PTPN2: variants seen among roughly 807,000 people sequenced by gnomAD.
The protein encoded by PTPN2 is tyrosine-protein phosphatase non-receptor type 2.
Under a neutral mutation model 57.3 loss-of-function variants are expected in PTPN2, and 19 were observed. The ratio of observed to expected loss-of-function variants is 0.33; its 90% CI spans 0.23 to 0.49. The LOEUF (loss-of-function observed/expected upper bound fraction) is 0.49. Ranked by LOEUF, PTPN2 falls within the 20% of genes least tolerant of loss-of-function variation. The pLI, the probability that PTPN2 is intolerant of heterozygous loss-of-function variation, is 0.99. For synonymous variants in PTPN2, 153 were observed against 164.9 expected (o/e 0.93, Z 0.55); for missense variants, 358 against 501.1 (o/e 0.71, Z 2.73).
chr18:12,831,514 C>T (rs1365992481), intron 3 of PTPN2, among the ~76,000 whole-genome samples: 1 of 152,150 alleles, frequency 6.6e-6, no homozygotes, highest in Non-Finnish European at 1.5e-5. Context: ...GAGTATCTGA[C>T]TGATCATGTT....
intron 1 of PTPN2, among the ~76,000 whole-genome samples, chr18:12,874,765 G>A (rs1209119603): frequency 6.6e-6 from 1 of 152,104 alleles, no homozygotes; most frequent in East Asian, 1.9e-4. Flanking sequence ...ACTGGGAAGT[G>A]AGGAGCCCCT....
At chr18:12,785,820 A>G (rs375284416) in exon 10 of PTPN2, 1 of 1,610,786 alleles carries the variant, frequency 6.2e-7, no homozygotes, top group Non-Finnish European at 8.5e-7. Context: ...CAAGTCATGA[A>G]TATTAGGTGT....
intron 4 of PTPN2, among the ~76,000 whole-genome samples, chr18:12,827,283 C>A (rs1598800376): frequency 6.7e-6 from 1 of 149,610 alleles, no homozygotes; most frequent in South Asian, 2.1e-4. Flanking sequence ...GCGGAGCTTG[C>A]AGTGAGTCGA....
intron 4 of PTPN2, among the ~76,000 whole-genome samples, chr18:12,829,146 A>G (rs2042579870): frequency 6.6e-6 from 1 of 151,996 alleles, no homozygotes; most frequent in Middle Eastern, 3.4e-3. Flanking sequence ...GATCCACCCA[A>G]CTCAGCTCCC....
At chr18:12,864,687 C>T (rs1009125461) in intron 1 of PTPN2, among the ~76,000 whole-genome samples, 9 of 152,124 alleles carry the variant, frequency 5.9e-5, no homozygotes, top group Non-Finnish European at 1.2e-4. Flanking sequence ...CATAAGCCAC[C>T]GCGCCTGGCC....
chr18:12,870,972 A>AT (rs1254476418), intron 1 of PTPN2, among the ~76,000 whole-genome samples: 1 of 152,174 alleles, frequency 6.6e-6, no homozygotes, highest in African/African-American at 2.4e-5. Context: ...CCCTTAGGTG[A>AT]TAACTGTAAC....
At chr18:12,872,486 T>TTCCTCCA (rs2044302040) in intron 1 of PTPN2, among the ~76,000 whole-genome samples, 1 of 152,354 alleles carries the variant, frequency 6.6e-6, no homozygotes, top group African/African-American at 2.4e-5. Context: ...TTGCATTCCC[T>TTCCTCCA]TCCTCCATTC....
chr18:12,833,144 A>G (rs189352473), intron 3 of PTPN2, among the ~76,000 whole-genome samples: 2 of 152,342 alleles, frequency 1.3e-5, no homozygotes, highest in Non-Finnish European at 2.9e-5. Flanking sequence ...TCCATTTACC[A>G]GCAATGCTAC....
At chr18:12,850,793 G>A (rs1339125981) in intron 2 of PTPN2, among the ~76,000 whole-genome samples, 1 of 151,848 alleles carries the variant, frequency 6.6e-6, no homozygotes, top group East Asian at 1.9e-4. Flanking sequence ...AGGCTGGAGT[G>A]CAGTGGCACA....
chr18:12,813,260 C>T (rs1349049674), intron 7 of PTPN2, among the ~76,000 whole-genome samples: 1 of 152,188 alleles, frequency 6.6e-6, no homozygotes, highest in Non-Finnish European at 1.5e-5. Flanking sequence ...ATAACTTTTA[C>T]TTCACCTAAA....
intron 1 of PTPN2, among the ~76,000 whole-genome samples, chr18:12,865,590 C>G (rs530633598): frequency 1.4e-4 from 22 of 151,882 alleles, no homozygotes; most frequent in Non-Finnish European, 3.1e-4. Context: ...GGGCAGATTG[C>G]CTGAGCTCAG....
At chr18:12,808,622 T>C (rs1003482435) in intron 7 of PTPN2, among the ~76,000 whole-genome samples, 4 of 151,846 alleles carry the variant, frequency 2.6e-5, no homozygotes, top group African/African-American at 9.7e-5. Flanking sequence ...CTACTAAAAA[T>C]ACAAAATAAT....
intron 8 of PTPN2, among the ~76,000 whole-genome samples, chr18:12,796,595 A>G (rs550409400): frequency 2.1e-4 from 32 of 152,322 alleles, no homozygotes; most frequent in African/African-American, 7.2e-4. Flanking sequence ...AGTTAAACAT[A>G]GAGTTACCAT....
rs1291334357 is a variant in PTPN2, at chr18:12,884,177, G to C, written c.-36C>G. On this transcript the variant is annotated 5_prime_UTR_variant, in exon 1 of 9. Coordinates refer to ENST00000309660, the MANE Select transcript of PTPN2 (RefSeq NM_002828.4). ...GCGAGCTGGCGCGAGCAGAGCCTGC[G>C]CCGGCGGAGAGGCTCAGGCCCCGCA... The C allele has an allele frequency of 6.5e-7, 1 of 1,544,864 alleles. No individual in the cohort carries two copies. Among genetic ancestry groups the C allele is most frequent in the Admixed American group, 1.9e-5 (1 of 52,002 alleles).
intron 1 of PTPN2, among the ~76,000 whole-genome samples, chr18:12,871,143 T>A (rs940659525): frequency 6.6e-6 from 1 of 152,216 alleles, no homozygotes; most frequent in Admixed American, 6.5e-5. Flanking sequence ...AGTACTTCCA[T>A]ATAGATAATG....
Position 12,792,281 on chromosome 18 carries a change from AC to A in PTPN2, c.*1996del. 9.4e-6 allele frequency: 8 copies of A among 847,864 alleles called. No homozygotes were observed. Among genetic ancestry groups the A allele is most frequent in the Non-Finnish European group, 8.3e-6 (6 of 718,656 alleles). The allele number at this position is 847,864 out of a possible 1,614,324, so 52.5% of individuals were successfully genotyped here. ...ATCTATCTATACCAATGGTTTTCAA[AC>A]TTTTTTTTTTTTTTTTTTTGAGACG... On this transcript the variant is annotated 3_prime_UTR_variant, in exon 9 of 9. Transcript: ENST00000309660.
At chr18:12,870,333 A>G (rs138888012) in intron 1 of PTPN2, among the ~76,000 whole-genome samples, 3,528 of 61,796 alleles carry the variant, frequency 0.057, 364 homozygotes, top group East Asian at 0.072. Flanking sequence ...ATATATATGT[A>G]TATATATACA....
intron 6 of PTPN2, among the ~76,000 whole-genome samples, chr18:12,815,405 C>T (rs374179929): frequency 2.0e-5 from 3 of 151,460 alleles, no homozygotes; most frequent in Admixed American, 6.6e-5. Context: ...AGCGAAACTT[C>T]GTCTCAAATA....
At chr18:12,880,517 A>C (rs2044634099) in intron 1 of PTPN2, 1 of 152,250 alleles carries the variant, frequency 6.6e-6, no homozygotes, top group South Asian at 2.1e-4. Context: ...AACTCCAGGT[A>C]TCTGTCTTGT....
Sources: allele counts gnomAD v4.1 joint callset (sites outside exome capture counted in the v4.1 genomes callset), GRCh38; gene constraint gnomAD v4.1.1; transcripts MANE v1.5; gene names NCBI Gene and HGNC (gene_info 2026-07-23, HGNC 2026-07-21).